COL11A1: variants seen among roughly 807,000 people sequenced by gnomAD.
COL11A1 encodes the protein collagen alpha-1(XI) chain.
In COL11A1, 74 loss-of-function variants were observed where a neutral mutation model predicts 265.2. That is an observed-to-expected ratio of 0.28 (90% CI 0.23 to 0.34). The LOEUF (loss-of-function observed/expected upper bound fraction) is 0.34. Among genes scored for constraint, COL11A1 ranks in the 10% least tolerant of loss-of-function variants. The pLI is 1.00. For synonymous variants in COL11A1, 816 were observed against 727.6 expected, an observed-to-expected ratio of 1.12 and a Z score of -1.96; for missense variants, 2,165 against 2,263.6, an observed-to-expected ratio of 0.96 and a Z score of 0.88.
At chr1:102,879,948 G>A (rs753455106) in intron 65 of COL11A1, 32 bp from the exon 66 acceptor site, 2 of 1,383,324 alleles carry the variant, frequency 1.4e-6, no homozygotes, top group African/African-American at 1.4e-5. Flanking sequence ...GACACCTAAT[G>A]ACTCTTTTCC....
Position 103,012,393 on chromosome 1 carries a change from T to A in COL11A1, c.1629+20A>T, listed in dbSNP as rs1480698168. The A allele has an allele frequency of 6.2e-7, 1 of 1,606,168 alleles. No homozygotes were observed. Among genetic ancestry groups the A allele is most frequent in the East Asian group, 2.2e-5 (1 of 44,790 alleles). On this transcript the variant is annotated intron_variant, in intron 14 of 66. Transcript: ENST00000370096. Reference sequence around the variant, plus strand: ...AATTTGAAAATTTTAACATATATTATCTTTGTTGGGGTAACCTACCACAGG... The same window carrying A: ...AATTTGAAAATTTTAACATATATTAACTTTGTTGGGGTAACCTACCACAGG...
Position 103,078,817 on chromosome 1 carries a change from C to T in COL11A1, c.329G>A (p.Gly110Glu). 1.2e-6 allele frequency: 2 copies of T among 1,612,502 alleles called. No individual in the cohort carries two copies. Among genetic ancestry groups the T allele is most frequent in the Middle Eastern group, 1.7e-4 (1 of 6,050 alleles). ...TATAGATAAAAGGAAAGACTGAATT[C>T]CTTTTTTTGGTTTTACTGTAAATAG... ...SILFTVKPKK[G>E]IQSFLLSIYN... Residue 110 changes from glycine to glutamate, a missense_variant, in exon 3 of 67, where the codon GGA becomes GAA. Physicochemically the swap from Gly to Glu is moderately conservative, Grantham distance 98. Transcript: ENST00000370096.
At chr1:103,005,968 C>T (rs568291112) in intron 17 of COL11A1, 77 bp from the exon 18 acceptor site, 5 of 1,611,514 alleles carry the variant, frequency 3.1e-6, no homozygotes, top group East Asian at 2.2e-5. Flanking sequence ...AATTTAAATG[C>T]GAAATATTCT....
At chr1:103,106,229 T>C (rs534298509) in intron 1 of COL11A1, among the ~76,000 whole-genome samples, 1 of 152,150 alleles carries the variant, frequency 6.6e-6, no homozygotes, top group Non-Finnish European at 1.5e-5. Context: ...TAAAAATAAA[T>C]AGCTTCAGTA....
At chr1:103,017,629 A>C (rs1041216486) in intron 11 of COL11A1, among the ~76,000 whole-genome samples, 191 bp downstream of exon 11, 2 of 152,178 alleles carry the variant, frequency 1.3e-5, no homozygotes, top group Admixed American at 6.6e-5. Flanking sequence ...CCATAGATAA[A>C]TGCACATTGT....
chr1:102,888,524 GC>G, intron 62 of COL11A1, 52 bp downstream of exon 62: 1 of 1,518,744 alleles, frequency 6.6e-7, no homozygotes, highest in Non-Finnish European at 9.1e-7. Context: ...GAAATCATTG[GC>G]AGCTTCCAGA....
At chr1:103,051,746 C>T (rs1461422317) in intron 4 of COL11A1, among the ~76,000 whole-genome samples, 1 of 152,180 alleles carries the variant, frequency 6.6e-6, no homozygotes, top group Non-Finnish European at 1.5e-5. Context: ...ATCTTGGCTC[C>T]TCCCTATATC....
chr1:102,943,482 C>CACACACACACAA lies in COL11A1; in HGVS notation c.3277-3049_3277-3048insTTGTGTGTGTGT, dbSNP rs61159892. On this transcript the variant is annotated intron_variant, in intron 42 of 66. Transcript: ENST00000370096. ...ACACACACACACACACACACACACACACAAACAACCTCATGGACTATTTTT... is the reference window on the plus strand; with the variant it reads ...ACACACACACACACACACACACACACACACACACACAAACAAACAACCTCATGGACTATTTTT... Among the ~76,000 whole-genome samples, 740 of 120,966 alleles carry CACACACACACAA rather than the reference C, an allele frequency of 6.1e-3. 13 individuals are homozygous for CACACACACACAA. The highest frequency in any genetic ancestry group is 0.023 in the African/African-American group (676 of 29,828). The allele number at this position is 120,966 out of a possible 152,430, so 79.4% of individuals were successfully genotyped here.
At chr1:102,887,439 C>T (rs11164630) in intron 62 of COL11A1, among the ~76,000 whole-genome samples, 74,358 of 151,966 alleles carry the variant, frequency 0.49, 21,790 homozygotes, top group East Asian at 0.66. Flanking sequence ...AAAGCTATTG[C>T]GCTATCTAAT....
intron 1 of COL11A1, among the ~76,000 whole-genome samples, chr1:103,103,190 A>G (rs971264336): frequency 6.6e-6 from 1 of 152,076 alleles, no homozygotes; most frequent in Non-Finnish European, 1.5e-5. Flanking sequence ...CTGTTAAACA[A>G]ACAACACACA....
At chr1:102,957,264 T>A (rs931424611) in intron 41 of COL11A1, among the ~76,000 whole-genome samples, 3 of 152,068 alleles carry the variant, frequency 2.0e-5, no homozygotes, top group African/African-American at 7.2e-5. Context: ...TACATTAGAA[T>A]TAAATATTAT....
intron 33 of COL11A1, 63 bp from the exon 34 acceptor site, chr1:102,978,976 A>G (rs1662776919): frequency 1.2e-6 from 2 of 1,610,530 alleles, no homozygotes; most frequent in Non-Finnish European, 1.7e-6. Context: ...ACACTAAATC[A>G]ATTTTTATTT....
At chr1:103,082,683 G>T in intron 2 of COL11A1, 122 bp downstream of exon 2, 2 of 827,932 alleles carry the variant, frequency 2.4e-6, no homozygotes, top group Non-Finnish European at 1.9e-6. Context: ...CCATATAATT[G>T]CACATTATCT....
intron 4 of COL11A1, among the ~76,000 whole-genome samples, chr1:103,058,067 A>G (rs1558008107): frequency 6.6e-6 from 1 of 152,182 alleles, no homozygotes; most frequent in Non-Finnish European, 1.5e-5. Flanking sequence ...TTACATTGGA[A>G]ATCTGTTGTT....
At chr1:103,022,286 G>A (rs2101942281) in intron 8 of COL11A1, among the ~76,000 whole-genome samples, 1 of 152,052 alleles carries the variant, frequency 6.6e-6, no homozygotes, top group East Asian at 1.9e-4. Context: ...GGCATAAGAA[G>A]CATTAATACT....
At chr1:102,898,819 C>T (rs1652782202) in intron 55 of COL11A1, 46 bp from the exon 56 acceptor site, 10 of 1,556,116 alleles carry the variant, frequency 6.4e-6, no homozygotes, top group Non-Finnish European at 7.1e-6. Context: ...TGAGAAAATA[C>T]TTTTATTATT....
At chr1:102,970,757 T>G (rs1661891518) in intron 36 of COL11A1, among the ~76,000 whole-genome samples, 1 of 152,088 alleles carries the variant, frequency 6.6e-6, no homozygotes, top group Admixed American at 6.5e-5. Context: ...GGCTGACACC[T>G]GTAATCCCAG....
At chr1:102,934,062 C>G (rs1036607651) in intron 46 of COL11A1, among the ~76,000 whole-genome samples, 3 of 151,976 alleles carry the variant, frequency 2.0e-5, no homozygotes, top group African/African-American at 7.3e-5. Flanking sequence ...GCGTCGCTCA[C>G]GCTGGGAGCT....
At chr1:103,063,582 G>T (rs758498450) in intron 4 of COL11A1, among the ~76,000 whole-genome samples, 1 of 152,060 alleles carries the variant, frequency 6.6e-6, no homozygotes. Flanking sequence ...GTTCATAAAT[G>T]TAAAACACAA....
Sources: gnomAD v4.1 joint callset for allele counts (sites outside exome capture counted in the v4.1 genomes callset) on GRCh38, gnomAD v4.1.1 for gene constraint, MANE v1.5 for transcripts, NCBI Gene and HGNC (gene_info 2026-07-23, HGNC 2026-07-21) for gene names.